GARS1: variants seen among roughly 807,000 people sequenced by gnomAD.
The protein encoded by GARS1 is glycyl-tRNA synthetase 1.
A neutral mutation model predicts 86.4 loss-of-function variants in GARS1; 46 were observed. The observed-to-expected ratio is 0.53, with a 90% CI of 0.42 to 0.68. The LOEUF is 0.68. GARS1 is among the 30% of genes least tolerant of loss of function. The pLI, the probability that GARS1 is intolerant of heterozygous loss-of-function variation, is 0.00. For synonymous variants in GARS1, 342 were observed against 329.8 expected, an observed-to-expected ratio of 1.04 and a Z score of -0.40; for missense variants, 797 against 915.6, an observed-to-expected ratio of 0.87 and a Z score of 1.67.
chr7:30,612,259 T>G lies in GARS1; in HGVS notation c.1031+14T>G, dbSNP rs189589556. 3.2e-3 allele frequency: 5,171 copies of G among 1,612,824 alleles called. 20 individuals carry two copies. Among genetic ancestry groups the G allele is most frequent in the Non-Finnish European group, 3.9e-3 (4,632 of 1,178,778 alleles). Reference sequence around the variant, plus strand: ...GATCAGAGTCAGGTACTGCTCAGGTTACTCTTACAAATTAGTGAATGACCT... The same window carrying G: ...GATCAGAGTCAGGTACTGCTCAGGTGACTCTTACAAATTAGTGAATGACCT... On this transcript the variant is annotated intron_variant, in intron 8 of 16. Transcript: ENST00000389266.
chr7:30,603,658 T>C, intron 6 of GARS1, 86 bp downstream of exon 6: 2 of 947,146 alleles, frequency 2.1e-6, no homozygotes, highest in Admixed American at 1.7e-5. Flanking sequence ...TTTCCCATTA[T>C]GCTGACCCTG....
intron 6 of GARS1, 74 bp from the exon 7 acceptor site, chr7:30,609,511 G>A: frequency 7.8e-7 from 1 of 1,288,954 alleles, no homozygotes; most frequent in Non-Finnish European, 1.1e-6. Flanking sequence ...GATGGCTAGG[G>A]TTATATATAA....
chr7:30,600,974 ATAGG>A, intron 3 of GARS1, 81 bp from the exon 4 acceptor site: 1 of 1,232,414 alleles, frequency 8.1e-7, no homozygotes, highest in Non-Finnish European at 1.2e-6. Context: ...TTTAGGGAGT[ATAGG>A]TATCAGTTTC....
At chr7:30,601,528 A>G (rs1791377617) in intron 4 of GARS1, among the ~76,000 whole-genome samples, 1 of 152,170 alleles carries the variant, frequency 6.6e-6, no homozygotes, top group Non-Finnish European at 1.5e-5. Context: ...ATAGCATAGT[A>G]TTCTGTTTTA....
chr7:30,612,292 G>A (rs758161210), intron 8 of GARS1, 47 bp downstream of exon 8: 15 of 1,562,544 alleles, frequency 9.6e-6, no homozygotes, highest in Non-Finnish European at 1.3e-5. Context: ...CCTTGGCATT[G>A]CATTGAAAAT....
chr7:30,612,869 T>C (rs1036467710), intron 8 of GARS1, among the ~76,000 whole-genome samples: 34 of 152,226 alleles, frequency 2.2e-4, no homozygotes, highest in Non-Finnish European at 4.6e-4. Context: ...GCTGGTGAGT[T>C]CTATATTTCT....
intron 4 of GARS1, among the ~76,000 whole-genome samples, chr7:30,601,945 AT>A (rs1049156907): frequency 3.1e-4 from 45 of 144,424 alleles, no homozygotes; most frequent in Non-Finnish European, 4.7e-4. Context: ...CGTCTGGCTA[AT>A]TTTTTTTTTG....
At chr7:30,614,655 C>T (rs1310307617) in intron 8 of GARS1, among the ~76,000 whole-genome samples, 1 of 151,956 alleles carries the variant, frequency 6.6e-6, no homozygotes, top group Non-Finnish European at 1.5e-5. Context: ...GCGGGCGGAT[C>T]ATGAGGTTCA....
Position 30,633,892 on chromosome 7 carries a change from C to T in GARS1, c.*32C>T, listed in dbSNP as rs760855122. 79 of 1,258,342 alleles carry T rather than the reference C, an allele frequency of 6.3e-5. No individual in the cohort carries two copies. The Admixed American group carries it at 1.8e-3, about 28-fold the overall frequency. 77.9% of individuals were successfully genotyped at this position (1,258,342 alleles called of 1,614,324 possible). A position where few individuals can be genotyped will look rare whatever the true frequency, so the allele number is the denominator to read the frequency against. On this transcript the variant is annotated 3_prime_UTR_variant, in exon 17 of 17. Coordinates refer to ENST00000389266, the MANE Select transcript of GARS1 (RefSeq NM_002047.4). ...TTTTGACAACTTTTGACCACTTGCG[C>T]TAATAAAAAAAAAAAAAAACTACTC...
intron 12 of GARS1, among the ~76,000 whole-genome samples, chr7:30,624,368 T>C (rs1432028692): frequency 6.6e-6 from 1 of 152,146 alleles, no homozygotes; most frequent in Non-Finnish European, 1.5e-5. Context: ...TGTGGGTAAA[T>C]AGAAATGGCA....
chr7:30,632,572 G>C lies in GARS1; in HGVS notation c.2094+135G>C. On this transcript the variant is annotated intron_variant, in intron 16 of 16. Coordinates refer to ENST00000389266, the MANE Select transcript of GARS1 (RefSeq NM_002047.4). This position sits in a 1 kb window ranked among gnomAD's most constrained non-coding sequence, Gnocchi z 4.1. ...TAATTTTAATGAACGGCTTGTATCA[G>C]ACAGAGCCCAGATTCTCAAGTCCCC... is the stretch of plus-strand genomic sequence containing the variant. 1 of 877,226 alleles carries C rather than the reference G, an allele frequency of 1.1e-6. No homozygotes were observed. Among genetic ancestry groups the C allele is most frequent in the South Asian group, 1.5e-5 (1 of 67,270 alleles). The allele number at this position is 877,226 out of a possible 1,614,324, so 54.3% of individuals were successfully genotyped here.
chr7:30,629,742 G>A (rs1783199964), intron 14 of GARS1, among the ~76,000 whole-genome samples: 2 of 152,186 alleles, frequency 1.3e-5, no homozygotes, highest in Admixed American at 6.5e-5. Context: ...AACCTTGAAG[G>A]AGCAGCCCTA....
chr7:30,628,677 G>C lies in GARS1; in HGVS notation c.1809+8G>C, dbSNP rs766137918. Reference sequence around the variant, plus strand: ...GGAGATGAACAGAGAACAGTAAGTTGTTGTGTACAGTGTGCTGTTATAGTG... The same window carrying C: ...GGAGATGAACAGAGAACAGTAAGTTCTTGTGTACAGTGTGCTGTTATAGTG... On this transcript the variant is annotated splice_region_variant and intron_variant, in intron 14 of 16. Transcript: ENST00000389266. 3.2e-6 allele frequency: 5 copies of C among 1,559,972 alleles called. No individual in the cohort carries two copies. Among genetic ancestry groups the C allele is most frequent in the Non-Finnish European group, 3.5e-6 (4 of 1,131,064 alleles).
chr7:30,601,470 T>C (rs577106849), intron 4 of GARS1, among the ~76,000 whole-genome samples: 1 of 152,338 alleles, frequency 6.6e-6, no homozygotes, highest in South Asian at 2.1e-4. Flanking sequence ...GTAATATTGA[T>C]GAACATATAC....
intron 12 of GARS1, among the ~76,000 whole-genome samples, chr7:30,624,173 A>C (rs140010515): frequency 5.9e-5 from 9 of 152,222 alleles, no homozygotes; most frequent in African/African-American, 1.9e-4. Flanking sequence ...AGTCCGAGAC[A>C]GTTCTTTCTA....
intron 10 of GARS1, 59 bp downstream of exon 10, chr7:30,617,337 C>T: frequency 1.3e-6 from 2 of 1,569,292 alleles, no homozygotes; most frequent in Non-Finnish European, 1.7e-6. Context: ...AGCACAGGTA[C>T]CAAATGAATT....
chr7:30,603,373 G>A (rs1791419230), intron 5 of GARS1, 123 bp from the exon 6 acceptor site: 1 of 833,584 alleles, frequency 1.2e-6, no homozygotes, highest in South Asian at 1.5e-5. Flanking sequence ...AAAATCAACT[G>A]TGGGATTCAT....
At position 30,612,203 on chromosome 7, in the gene GARS1, T is replaced by C; in HGVS notation, c.989T>C (p.Phe330Ser). 1 of 1,614,168 alleles carries C rather than the reference T, an allele frequency of 6.2e-7. No homozygotes were observed. Among genetic ancestry groups the C allele is most frequent in the South Asian group, 1.1e-5 (1 of 91,088 alleles). The stretch of plus-strand genomic sequence containing the variant: ...GCTGCTGCCCAGATTGGAAATTCTT[T>C]TAGAAATGAGATCTCCCCTCGATCT... ...PFAAAQIGNS[F>S]RNEISPRSGL... The change falls in exon 8 of 17, where the codon TTT (phenylalanine) becomes TCT (serine). Residue 330 changes from phenylalanine to serine, a missense_variant. Phe to Ser is a radical substitution (Grantham distance 155). Transcript: ENST00000389266.
chr7:30,598,575 G>A (rs886593354), intron 1 of GARS1, among the ~76,000 whole-genome samples: 4 of 151,904 alleles, frequency 2.6e-5, no homozygotes, highest in African/African-American at 9.7e-5. Flanking sequence ...TTTCAGTAGC[G>A]ATGGTGTATC....
Sources: gnomAD v4.1 joint callset for allele counts (sites outside exome capture counted in the v4.1 genomes callset) on GRCh38, gnomAD v4.1.1 for gene constraint, Gnocchi (gnomAD v3.1) non-coding constraint, MANE v1.5 for transcripts, NCBI Gene and HGNC (gene_info 2026-07-23, HGNC 2026-07-21) for gene names.